MAPRE1: variants seen among roughly 807,000 people sequenced by gnomAD.
The protein encoded by MAPRE1 is microtubule-associated protein RP/EB family member 1.
MAPRE1 carries 5 observed loss-of-function variants against 32.1 expected under a neutral mutation model. The observed-to-expected ratio is 0.16, with a 90% CI of 0.08 to 0.33. The LOEUF (loss-of-function observed/expected upper bound fraction) is 0.33. Among genes scored for constraint, MAPRE1 ranks in the 10% least tolerant of loss-of-function variants. The pLI is 1.00. For missense variants in MAPRE1, 209 were observed against 327.2 expected (o/e 0.64, Z 2.79); for synonymous variants, 122 against 118.9 (o/e 1.03, Z -0.17).
intron 5 of MAPRE1, 136 bp downstream of exon 5, chr20:32,839,992 A>G (rs1404032698): frequency 4.8e-6 from 6 of 1,249,744 alleles, no homozygotes; most frequent in Non-Finnish European, 6.7e-6. Flanking sequence ...TGTGAGCCTC[A>G]GGTGCTGTGC....
chr20:32,825,863 A>C, intron 1 of MAPRE1, 62 bp from the exon 2 acceptor site: 1 of 1,449,790 alleles, frequency 6.9e-7, no homozygotes, highest in Non-Finnish European at 9.4e-7. Flanking sequence ...TCTAGGAAAC[A>C]CTTGACCTTA....
At chr20:32,824,235 G>A (rs1360684308) in intron 1 of MAPRE1, among the ~76,000 whole-genome samples, 1 of 152,240 alleles carries the variant, frequency 6.6e-6, no homozygotes, top group Non-Finnish European at 1.5e-5. Flanking sequence ...CCTAGCACGC[G>A]GTAGAGCTAG....
At chr20:32,834,547 CTT>C (rs200636431) in intron 3 of MAPRE1, among the ~76,000 whole-genome samples, 1 of 146,488 alleles carries the variant, frequency 6.8e-6, no homozygotes, top group Non-Finnish European at 1.5e-5. Flanking sequence ...GGGGGGATAA[CTT>C]TTTTTTTTTA....
In MAPRE1 at chr20:32,825,993, C is replaced by T. The variant is rs763284903; in HGVS notation, c.66C>T (p.Ala22=). 2 of 1,610,502 alleles carry T rather than the reference C, an allele frequency of 1.2e-6. No homozygotes were observed. The highest frequency in any genetic ancestry group is 1.7e-6 in the Non-Finnish European group (2 of 1,177,298). The part of the protein sequence containing the change: ...SDNLSRHDML[A]WINESLQLNL... Reference sequence around the variant, plus strand: ...ACCTAAGTCGACATGACATGCTGGCCTGGATCAATGAGTCTCTGCAGTTGA... The same window carrying T: ...ACCTAAGTCGACATGACATGCTGGCTTGGATCAATGAGTCTCTGCAGTTGA... The change falls in exon 2 of 7, where the codon GCC becomes GCT. Residue 22 remains alanine (A), a synonymous_variant. Transcript: ENST00000375571.
In MAPRE1 at chr20:32,848,652, C is replaced by T. The variant is rs192301191; in HGVS notation, c.751-20C>T. ...AAATGGATCTTTCAGTGGCTTTCCC[C>T]TCTCATTTTCCTATTTCAGGAAGGC... On this transcript the variant is annotated intron_variant, in intron 6 of 6. Coordinates refer to ENST00000375571, the MANE Select transcript of MAPRE1 (RefSeq NM_012325.3). 6.3e-5 allele frequency: 101 copies of T among 1,604,664 alleles called. No individual in the cohort carries two copies. Among genetic ancestry groups the T allele is most frequent in the Non-Finnish European group, 8.3e-5 (97 of 1,174,100 alleles).
chr20:32,831,861 A>G (rs916162543), intron 2 of MAPRE1, among the ~76,000 whole-genome samples: 4 of 151,572 alleles, frequency 2.6e-5, no homozygotes, highest in African/African-American at 7.3e-5. Flanking sequence ...AATTGTGTAA[A>G]ATAGTACTGG....
intron 5 of MAPRE1, chr20:32,843,602 T>C (rs1462782755): frequency 6.6e-6 from 1 of 152,204 alleles, no homozygotes; most frequent in Non-Finnish European, 1.5e-5. Context: ...TAATCAAATA[T>C]AAATAATGAT....
In MAPRE1 at chr20:32,846,773, ATG is replaced by A; in HGVS notation, c.750+7_750+8del. ...TAGACATTCTGTATGCCACAGATGT[ATG>A]TGTTTGACATGAGGATATTTTCTTT... On this transcript the variant is annotated splice_donor_5th_base_variant and intron_variant, in intron 6 of 6. Transcript: ENST00000375571. 1 of 1,614,022 alleles carries A rather than the reference ATG, an allele frequency of 6.2e-7. No individual in the cohort carries two copies. The highest frequency in any genetic ancestry group is 2.2e-5 in the East Asian group (1 of 44,886).
Position 32,833,772 on chromosome 20 carries a change from G to A in MAPRE1, c.177G>A (p.Lys59=), listed in dbSNP as rs747778847. The A allele has an allele frequency of 4.3e-6, 7 of 1,614,104 alleles. No individual in the cohort carries two copies. The highest frequency in any genetic ancestry group is 5.9e-6 in the Non-Finnish European group (7 of 1,180,000). ...TGTTCCCTGGCTCCATTGCCTTGAA[G>A]AAAGTGAAATTCCAAGCTAAGCTAG... ...DMLFPGSIAL[K]KVKFQAKLEH... The change falls in exon 3 of 7, where the codon AAG becomes AAA. Residue 59 remains lysine, a synonymous_variant. Transcript: ENST00000375571.
chr20:32,836,783 T>C lies in MAPRE1; in HGVS notation c.417T>C (p.Pro139=), dbSNP rs768507814. The stretch of plus-strand genomic sequence containing the variant: ...AAGGTCAAGAAACTGCAGTGGCTCC[T>C]TCCCTTGTTGCTCCAGCTCTGAATA... The part of the protein sequence containing the change: ...ARQGQETAVA[P]SLVAPALNKP... The change falls in exon 4 of 7, where the codon CCT becomes CCC. Residue 139 remains proline, a synonymous_variant. Coordinates refer to ENST00000375571, the MANE Select transcript of MAPRE1 (RefSeq NM_012325.3). The C allele has an allele frequency of 2.5e-6, 4 of 1,614,192 alleles. No homozygotes were observed. The highest frequency in any genetic ancestry group is 1.3e-5 in the African/African-American group (1 of 75,058).
At position 32,833,752 on chromosome 20, in the gene MAPRE1, C is replaced by A; in HGVS notation, c.157C>A (p.Pro53Thr). ...TTGTCAGTTTATGGACATGCTGTTCCCTGGCTCCATTGCCTTGAAGAAAGT... is the reference window on the plus strand; with the variant it reads ...TTGTCAGTTTATGGACATGCTGTTCACTGGCTCCATTGCCTTGAAGAAAGT... ...AYCQFMDMLF[P>T]GSIALKKVKF... The change falls in exon 3 of 7, where the codon CCT becomes ACT. Residue 53 changes from proline to threonine, a missense_variant. Around this residue, in one of 3 missense-constraint regions of MAPRE1, gnomAD observed 67 missense variants for 140.0 expected, o/e 0.48. Coordinates refer to ENST00000375571, the MANE Select transcript of MAPRE1 (RefSeq NM_012325.3). 1 of 1,613,872 alleles carries A rather than the reference C, an allele frequency of 6.2e-7. No individual in the cohort carries two copies. Among genetic ancestry groups the A allele is most frequent in the Non-Finnish European group, 8.5e-7 (1 of 1,179,938 alleles).
intron 3 of MAPRE1, among the ~76,000 whole-genome samples, chr20:32,836,217 T>G (rs530636585): frequency 2.0e-5 from 3 of 152,158 alleles, no homozygotes; most frequent in Non-Finnish European, 4.4e-5. Context: ...AAGTGCTGGG[T>G]TTACAGGCAT....
chr20:32,824,813 T>G (rs1982796535), intron 1 of MAPRE1, among the ~76,000 whole-genome samples: 2 of 151,786 alleles, frequency 1.3e-5, no homozygotes, highest in Admixed American at 1.3e-4. Context: ...GTATAGTCTT[T>G]AAGGAAAATT....
chr20:32,819,803 G>A (rs965658748), upstream of MAPRE1: 5 of 152,200 alleles, frequency 3.3e-5, no homozygotes, highest in African/African-American at 1.2e-4. Context: ...CCGCCCCTCG[G>A]CTACCGTTCT....
intron 5 of MAPRE1, among the ~76,000 whole-genome samples, chr20:32,843,966 G>T (rs2146139019): frequency 6.6e-6 from 1 of 151,628 alleles, no homozygotes; most frequent in East Asian, 1.9e-4. Flanking sequence ...TGATACTCCT[G>T]CCCCAGCCTC....
chr20:32,846,496 G>A, intron 5 of MAPRE1, 122 bp from the exon 6 acceptor site: 1 of 870,646 alleles, frequency 1.1e-6, no homozygotes, highest in Non-Finnish European at 1.9e-6. Context: ...TTAAACTGAT[G>A]TGGTTTTTGT....
At chr20:32,823,374 C>A (rs1003393602) in intron 1 of MAPRE1, among the ~76,000 whole-genome samples, 1 of 152,180 alleles carries the variant, frequency 6.6e-6, no homozygotes, top group African/African-American at 2.4e-5. Flanking sequence ...CATCTTTCCC[C>A]TGCCCCTCCC....
At chr20:32,845,761 C>T (rs944495864) in intron 5 of MAPRE1, among the ~76,000 whole-genome samples, 2 of 152,110 alleles carry the variant, frequency 1.3e-5, no homozygotes, top group African/African-American at 4.8e-5. Context: ...GAGACGCGTG[C>T]GCCACTCCAC....
intron 5 of MAPRE1, among the ~76,000 whole-genome samples, chr20:32,841,464 TTA>T (rs1983359563): frequency 2.0e-5 from 3 of 151,820 alleles, no homozygotes; most frequent in African/African-American, 7.3e-5. Context: ...TTTTTTTTTT[TTA>T]ATTATTATTA....
Sources: gnomAD v4.1 joint callset for allele counts (sites outside exome capture counted in the v4.1 genomes callset) on GRCh38, gnomAD v4.1.1 for gene constraint, gnomAD v4.1.1 regional missense constraint, MANE v1.5 for transcripts, NCBI Gene and HGNC (gene_info 2026-07-23, HGNC 2026-07-21) for gene names.